Variants in FAT3 observed in about 807,000 individuals in gnomAD.
FAT3 encodes FAT atypical cadherin 3.
A neutral mutation model predicts 310.2 loss-of-function variants in FAT3; 95 were observed. The ratio of observed to expected loss-of-function variants is 0.31; its 90% CI spans 0.26 to 0.36. The LOEUF (loss-of-function observed/expected upper bound fraction) is 0.36, where lower values mean the gene tolerates loss of function less well. Among genes scored for constraint, FAT3 ranks in the 10% least tolerant of loss-of-function variants. The pLI, the probability that FAT3 is intolerant of heterozygous loss-of-function variation, is 1.00. For synonymous variants in FAT3, 2,314 were observed against 2,192.9 expected (o/e 1.06, Z -1.54); for missense variants, 5,408 against 5,715.6 (o/e 0.95, Z 1.74).
intron 1 of FAT3, among the ~76,000 whole-genome samples, chr11:92,257,954 C>T (rs1263822567): frequency 6.6e-6 from 1 of 152,092 alleles, no homozygotes; most frequent in Non-Finnish European, 1.5e-5. Flanking sequence ...CATATGGATT[C>T]CCCTATCTTG....
At chr11:92,849,184 G>C (rs1948756714) in intron 19 of FAT3, among the ~76,000 whole-genome samples, 1 of 152,200 alleles carries the variant, frequency 6.6e-6, no homozygotes, top group South Asian at 2.1e-4. Context: ...GTCAATGACA[G>C]AGCCAGGATT....
At chr11:92,298,744 A>G (rs1182074598) in intron 1 of FAT3, among the ~76,000 whole-genome samples, 1 of 152,080 alleles carries the variant, frequency 6.6e-6, no homozygotes, top group Non-Finnish European at 1.5e-5. Context: ...CTAAATAACT[A>G]AGAGTTTTCA....
intron 3 of FAT3, among the ~76,000 whole-genome samples, chr11:92,658,624 C>A (rs1432722710): frequency 1.3e-5 from 2 of 152,182 alleles, no homozygotes; most frequent in Non-Finnish European, 2.9e-5. Context: ...TGCTGCCTCC[C>A]TAGAGGCTGC....
chr11:92,718,250 A>T (rs113906900), intron 4 of FAT3, among the ~76,000 whole-genome samples: 7 of 152,334 alleles, frequency 4.6e-5, no homozygotes, highest in African/African-American at 1.7e-4. Context: ...CACCAAAAGT[A>T]TATGTAAAGG....
chr11:92,811,636 G>T (rs1947675732), intron 13 of FAT3, among the ~76,000 whole-genome samples: 1 of 152,070 alleles, frequency 6.6e-6, no homozygotes, highest in Admixed American at 6.6e-5. Context: ...CATTTAACAG[G>T]GCAGAGATGA....
At chr11:92,386,456 G>A (rs1240314436) in intron 2 of FAT3, among the ~76,000 whole-genome samples, 1 of 152,196 alleles carries the variant, frequency 6.6e-6, no homozygotes, top group Admixed American at 6.5e-5. Flanking sequence ...TTCCCATGTA[G>A]TATAAAGTTG....
At chr11:92,315,175 T>C (rs964058612) in intron 1 of FAT3, among the ~76,000 whole-genome samples, 2 of 150,986 alleles carry the variant, frequency 1.3e-5, no homozygotes, top group Non-Finnish European at 2.9e-5. Flanking sequence ...CAAGCTGACA[T>C]GATCAGGGTC....
chr11:92,815,355 C>A (rs1031879194), intron 13 of FAT3, among the ~76,000 whole-genome samples: 1 of 152,024 alleles, frequency 6.6e-6, no homozygotes, highest in African/African-American at 2.4e-5. Flanking sequence ...GGGCAGATCA[C>A]AAGGTCAGGA....
At chr11:92,824,822 T>C (rs34002410) in intron 13 of FAT3, among the ~76,000 whole-genome samples, 1 of 152,156 alleles carries the variant, frequency 6.6e-6, no homozygotes, top group African/African-American at 2.4e-5. Context: ...GATATTATTT[T>C]GTAACTTGCT....
chr11:92,550,786 T>TTA (rs398017108), intron 3 of FAT3, among the ~76,000 whole-genome samples: 14 of 150,638 alleles, frequency 9.3e-5, no homozygotes, highest in East Asian at 3.9e-4. Context: ...TTTTTTTTTT[T>TTA]AAAAGAGAGT....
intron 1 of FAT3, among the ~76,000 whole-genome samples, chr11:92,309,958 ATC>A (rs764489740): frequency 2.0e-5 from 3 of 147,246 alleles, no homozygotes; most frequent in Admixed American, 1.4e-4. Flanking sequence ...CTCCTGTTAG[ATC>A]TCTGTTTTTT....
At chr11:92,310,354 C>T (rs1947265416) in intron 1 of FAT3, among the ~76,000 whole-genome samples, 1 of 152,060 alleles carries the variant, frequency 6.6e-6, no homozygotes, top group Admixed American at 6.6e-5. Flanking sequence ...TGTGGGAATA[C>T]ACATGTTGAT....
chr11:92,876,389 C>A (rs896223646), intron 22 of FAT3, among the ~76,000 whole-genome samples: 1 of 152,142 alleles, frequency 6.6e-6, no homozygotes, highest in African/African-American at 2.4e-5. Flanking sequence ...AGCAATTTCC[C>A]AAAATGAAAA....
chr11:92,580,324 C>T (rs928329074), intron 3 of FAT3, among the ~76,000 whole-genome samples: 2 of 152,008 alleles, frequency 1.3e-5, no homozygotes, highest in East Asian at 3.9e-4. Flanking sequence ...GTGATGCTAC[C>T]ATGATTTTTT....
At chr11:92,673,858 G>A (rs1298768385) in intron 3 of FAT3, among the ~76,000 whole-genome samples, 2 of 152,042 alleles carry the variant, frequency 1.3e-5, no homozygotes, top group African/African-American at 2.4e-5. Flanking sequence ...GGATAAGATT[G>A]ATAAGTTTCT....
chr11:92,545,625 A>C (rs1475948499), intron 3 of FAT3, among the ~76,000 whole-genome samples: 1 of 152,192 alleles, frequency 6.6e-6, no homozygotes, highest in Non-Finnish European at 1.5e-5. Flanking sequence ...GTAGTCGGTA[A>C]GATTTGCACT....
chr11:92,309,384 GCACA>G (rs59596533), intron 1 of FAT3, among the ~76,000 whole-genome samples: 31,215 of 144,642 alleles, frequency 0.22, 3,411 homozygotes, highest in East Asian at 0.41. Flanking sequence ...ACACACGCAT[GCACA>G]CACACACACA....
chr11:92,588,816 G>A (rs1188634646), intron 3 of FAT3, among the ~76,000 whole-genome samples: 1 of 151,688 alleles, frequency 6.6e-6, no homozygotes, highest in East Asian at 2.0e-4. Flanking sequence ...TCTGAATTTA[G>A]ATGGGAAGGT....
intron 1 of FAT3, chr11:92,314,344 AT>A: frequency 1.1e-6 from 1 of 943,852 alleles, no homozygotes; most frequent in Non-Finnish European, 1.3e-6. Context: ...AAATTTGATA[AT>A]TTTTACATTT....
Sources: gnomAD v4.1 joint callset for allele counts (sites outside exome capture counted in the v4.1 genomes callset) on GRCh38, gnomAD v4.1.1 for gene constraint, MANE v1.5 for transcripts, NCBI Gene and HGNC (gene_info 2026-07-23, HGNC 2026-07-21) for gene names.